Variants in RORA observed in about 807,000 individuals in gnomAD.
RORA encodes the protein nuclear receptor ROR-alpha.
RORA carries 7 observed loss-of-function variants against 69.5 expected under a neutral mutation model. The observed-to-expected ratio is 0.10, with a 90% confidence interval of 0.06 to 0.19. RORA has a LOEUF of 0.19. Among genes scored for constraint, RORA ranks in the 10% least tolerant of loss-of-function variants. The probability of loss-of-function intolerance (pLI) is 1.00; values close to 1 mark genes in which losing one functional copy is unlikely to be tolerated. For missense variants in RORA, 457 were observed against 663.0 expected, an observed-to-expected ratio of 0.69 and a Z score of 3.41; for synonymous variants, 261 against 240.8, an observed-to-expected ratio of 1.08 and a Z score of -0.78.
At chr15:61,048,675 T>G (rs1566963341) in intron 1 of RORA, among the ~76,000 whole-genome samples, 1 of 152,294 alleles carries the variant, frequency 6.6e-6, no homozygotes, top group East Asian at 1.9e-4. Context: ...TCAGGACACT[T>G]TGACGTCGAG....
chr15:60,612,659 CT>C (rs2069120739), intron 2 of RORA, among the ~76,000 whole-genome samples: 1 of 117,328 alleles, frequency 8.5e-6, no homozygotes, highest in African/African-American at 3.8e-5. Context: ...CTCTCTCTCT[CT>C]GTTTTTTTTT....
chr15:60,878,475 T>TGTGACTCAGAAGGAGGGAAAATC (rs2073644290), intron 1 of RORA, among the ~76,000 whole-genome samples: 1 of 151,920 alleles, frequency 6.6e-6, no homozygotes, highest in African/African-American at 2.4e-5. Context: ...TGGTGGCTGG[T>TGTGACTCAGAAGGAGGGAAAATC]GTGACTCAGA....
At chr15:60,501,570 A>C (rs2065332415) in intron 8 of RORA, among the ~76,000 whole-genome samples, 1 of 152,218 alleles carries the variant, frequency 6.6e-6, no homozygotes, top group Non-Finnish European at 1.5e-5. Context: ...CTGATTTCAG[A>C]GCCTACACTT....
At chr15:61,054,725 A>T (rs1176926321) in intron 1 of RORA, among the ~76,000 whole-genome samples, 1 of 152,186 alleles carries the variant, frequency 6.6e-6, no homozygotes, top group Non-Finnish European at 1.5e-5. Flanking sequence ...ACTGTTTGTA[A>T]ATGGCCAAAT....
chr15:60,665,913 G>A (rs779163397), intron 2 of RORA, among the ~76,000 whole-genome samples: 9 of 152,184 alleles, frequency 5.9e-5, no homozygotes, highest in South Asian at 2.1e-4. Context: ...GACCTCCAGT[G>A]ATCTGTGTGC....
intron 8 of RORA, among the ~76,000 whole-genome samples, 155 bp from the exon 9 acceptor site, chr15:60,501,224 CAGAAGGAAT>C (rs2141265164): frequency 6.7e-6 from 1 of 148,512 alleles, no homozygotes; most frequent in African/African-American, 2.5e-5. Context: ...GGTTGAAGAT[CAGAAGGAAT>C]AGTAGTAACA....
chr15:60,917,531 T>A (rs190941673), intron 1 of RORA, among the ~76,000 whole-genome samples: 5 of 152,094 alleles, frequency 3.3e-5, no homozygotes. Flanking sequence ...GCTGTCCCAC[T>A]TTTTCCCTCT....
intron 1 of RORA, among the ~76,000 whole-genome samples, chr15:60,940,886 C>T (rs959886165): frequency 3.3e-5 from 5 of 152,180 alleles, no homozygotes; most frequent in Non-Finnish European, 7.3e-5. Context: ...AAGATCGCAC[C>T]ACCGCACTCC....
At chr15:60,506,345 T>C (rs2141290294) in intron 5 of RORA, among the ~76,000 whole-genome samples, 1 of 152,316 alleles carries the variant, frequency 6.6e-6, no homozygotes, top group South Asian at 2.1e-4. Flanking sequence ...GGAGGATTAC[T>C]TAGAATGTGC....
chr15:61,196,226 G>A (rs1327322641), intron 1 of RORA, among the ~76,000 whole-genome samples: 1 of 152,198 alleles, frequency 6.6e-6, no homozygotes, highest in Non-Finnish European at 1.5e-5. Context: ...TAAATATTTA[G>A]GGGTAACTTG....
intron 1 of RORA, among the ~76,000 whole-genome samples, chr15:61,136,412 A>T (rs766288381): frequency 2.0e-5 from 3 of 152,234 alleles, no homozygotes; most frequent in Non-Finnish European, 4.4e-5. Flanking sequence ...ATTTGTAGCC[A>T]GTATCAAATG....
At chr15:60,621,694 A>T (rs1337810457) in intron 2 of RORA, among the ~76,000 whole-genome samples, 1 of 152,180 alleles carries the variant, frequency 6.6e-6, no homozygotes, top group African/African-American at 2.4e-5. Flanking sequence ...GATTATGATC[A>T]TTGTACTGTG....
intron 1 of RORA, among the ~76,000 whole-genome samples, chr15:60,826,328 T>G (rs576124216): frequency 6.6e-6 from 1 of 152,354 alleles, no homozygotes; most frequent in African/African-American, 2.4e-5. Flanking sequence ...TTTCCACACC[T>G]GACCTGGTCA....
chr15:60,705,851 C>T (rs2071055495), intron 1 of RORA, among the ~76,000 whole-genome samples: 1 of 152,142 alleles, frequency 6.6e-6, no homozygotes. Flanking sequence ...TATCATCTCT[C>T]TTAGAAATAA....
At chr15:60,826,965 T>A (rs1032731456) in intron 1 of RORA, among the ~76,000 whole-genome samples, 5 of 152,178 alleles carry the variant, frequency 3.3e-5, no homozygotes, top group Admixed American at 1.3e-4. Flanking sequence ...TAGCAGCATC[T>A]TAGTGGGTAT....
In RORA at chr15:60,859,380, CTGGGACCT is replaced by C. The variant is rs58929509; in HGVS notation, c.167-180702_167-180695del. ...TATGGCTTAGCAGCATCAGCCTCAC[CTGGGACCT>C]TGGGACCTTGGGACCTTGGGACCTT... On this transcript the variant is annotated intron_variant, in intron 1 of 10. Coordinates refer to ENST00000335670, the MANE Select transcript of RORA (RefSeq NM_134261.3). Among the ~76,000 whole-genome samples the C allele has an allele frequency of 3.3e-3, 496 of 151,574 alleles. 1 individual carries two copies. Among genetic ancestry groups the C allele is most frequent in the Non-Finnish European group, 5.8e-3 (393 of 67,870 alleles).
At chr15:61,049,295 G>A (rs923486791) in intron 1 of RORA, among the ~76,000 whole-genome samples, 18 of 152,162 alleles carry the variant, frequency 1.2e-4, no homozygotes, top group African/African-American at 2.7e-4. Context: ...GCACAGAGAT[G>A]AGCATGGTGA....
rs1392712663 is a variant in RORA, at chr15:61,036,977, T to G, written c.166+192076A>C. 2.6e-5 allele frequency among the ~76,000 whole-genome samples: 4 copies of G among 152,268 alleles called. No homozygotes were observed. The East Asian group carries it at 5.8e-4, about 22-fold the overall frequency. ...TAACAAACACTACAGGGGATTTTGA[T>G]GCAGTCAGTTCAGGAATTAAATTTT... On this transcript the variant is annotated intron_variant, in intron 1 of 10. Coordinates refer to ENST00000335670, the MANE Select transcript of RORA (RefSeq NM_134261.3).
rs1306815309 is a variant in RORA, at chr15:60,493,449, C to T, written c.*4006G>A. On this transcript the variant is annotated 3_prime_UTR_variant, in exon 11 of 11. Coordinates refer to ENST00000335670, the MANE Select transcript of RORA (RefSeq NM_134261.3). ...TGCAAAAAAGCAACAATGAGAGAAG[C>T]TTACATACTACTTAAACCTTTTCAT... The T allele has an allele frequency of 6.6e-6, 1 of 152,162 alleles. No individual in the cohort carries two copies. Among genetic ancestry groups the T allele is most frequent in the Non-Finnish European group, 1.5e-5 (1 of 68,050 alleles). 9.4% of individuals were successfully genotyped at this position (152,162 alleles called of 1,614,324 possible). A position where few individuals can be genotyped will look rare whatever the true frequency, so the allele number is the denominator to read the frequency against.
Sources: allele counts gnomAD v4.1 joint callset (sites outside exome capture counted in the v4.1 genomes callset), GRCh38; gene constraint gnomAD v4.1.1; transcripts MANE v1.5; gene names NCBI Gene and HGNC (gene_info 2026-07-23, HGNC 2026-07-21).